FAM151B: variants seen among roughly 807,000 people sequenced by gnomAD.
The protein encoded by FAM151B is protein FAM151B.
FAM151B carries 24 observed loss-of-function variants against 31.2 expected under a neutral mutation model. The observed-to-expected ratio is 0.77, with a 90% CI of 0.56 to 1.08. FAM151B has a LOEUF of 1.08. Among genes scored for constraint, FAM151B ranks in the 50% least tolerant of loss-of-function variants. The pLI is 0.00. For missense variants in FAM151B, 293 were observed against 328.6 expected, an observed-to-expected ratio of 0.89 and a Z score of 0.84; for synonymous variants, 105 against 111.4, an observed-to-expected ratio of 0.94 and a Z score of 0.36.
At chr5:80,504,186 CACCACA>C (rs939964536) in intron 2 of FAM151B, among the ~76,000 whole-genome samples, 4 of 152,316 alleles carry the variant, frequency 2.6e-5, no homozygotes, top group African/African-American at 9.6e-5. Flanking sequence ...CAGGAAATGG[CACCACA>C]ATCTACTTAG....
intron 1 of FAM151B, among the ~76,000 whole-genome samples, chr5:80,496,799 ATTTTTTTTTTTTTTT>A (rs367658683): frequency 3.5e-5 from 2 of 57,738 alleles, no homozygotes; most frequent in South Asian, 8.4e-4. Context: ...TTTTTGCTTA[ATTTTTTTTTTTTTTT>A]TTTTTTTTTT....
chr5:80,529,258 A>G (rs1287238735), intron 5 of FAM151B, among the ~76,000 whole-genome samples: 2 of 152,236 alleles, frequency 1.3e-5, no homozygotes. Flanking sequence ...GGAAATTTAT[A>G]GCACTAAATG....
In FAM151B at chr5:80,541,654, C is replaced by A. The variant is rs757200992; in HGVS notation, c.672-19C>A. 3 of 1,610,072 alleles carry A rather than the reference C, an allele frequency of 1.9e-6. No homozygotes were observed. On this transcript the variant is annotated intron_variant, in intron 5 of 5. Transcript: ENST00000282226. ...TTCTTCCACTTTTAACTGTATAATT[C>A]TGTTTTATTTCAATGCAGGTACAGC...
chr5:80,516,079 C>A (rs890324492), intron 3 of FAM151B, among the ~76,000 whole-genome samples: 18 of 152,206 alleles, frequency 1.2e-4, no homozygotes, highest in Admixed American at 5.9e-4. Flanking sequence ...AATCCCAGCA[C>A]TTTGGTAGGC....
In FAM151B at chr5:80,538,520, C is replaced by T. The variant is rs1298378144; in HGVS notation, c.672-3153C>T. Among the ~76,000 whole-genome samples, 16 of 57,684 alleles carry T rather than the reference C, an allele frequency of 2.8e-4. 1 individual carries two copies. The highest frequency in any genetic ancestry group is 2.0e-3 in the African/African-American group (13 of 6,654). 37.8% of individuals were successfully genotyped at this position (57,684 alleles called of 152,430 possible). A position where few individuals can be genotyped will look rare whatever the true frequency, so the allele number is the denominator to read the frequency against. On this transcript the variant is annotated intron_variant, in intron 5 of 5. Transcript: ENST00000282226. ...CTTCCTTTCTTTTCTTTCTTTCCTT[C>T]CTTCCTTCCTTCCTTCCTTCCTTCC...
intron 2 of FAM151B, among the ~76,000 whole-genome samples, chr5:80,509,682 G>A (rs1193131651): frequency 6.6e-6 from 1 of 152,184 alleles, no homozygotes; most frequent in Non-Finnish European, 1.5e-5. Context: ...AGAAAGTCCT[G>A]ATTTGGAAAT....
At chr5:80,495,894 T>G (rs1056410710) in intron 1 of FAM151B, among the ~76,000 whole-genome samples, 1 of 149,436 alleles carries the variant, frequency 6.7e-6, no homozygotes, top group African/African-American at 2.5e-5. Flanking sequence ...GAATGGAGCC[T>G]GAAGATGTGA....
At chr5:80,525,270 G>A (rs953356641) in intron 5 of FAM151B, among the ~76,000 whole-genome samples, 1 of 152,118 alleles carries the variant, frequency 6.6e-6, no homozygotes, top group African/African-American at 2.4e-5. Flanking sequence ...TCAAGCAATT[G>A]TGCATGAATG....
chr5:80,495,830 CAAAAAAAAAAAAAAAAA>C (rs3072031), intron 1 of FAM151B, among the ~76,000 whole-genome samples: 2 of 88,104 alleles, frequency 2.3e-5, no homozygotes, highest in Non-Finnish European at 4.0e-5. Context: ...GACTCCGTCT[CAAAAAAAAAAAAAAAAA>C]AAAAAAAAAA....
Position 80,538,645 on chromosome 5 carries a change from G to C in FAM151B, c.672-3028G>C, listed in dbSNP as rs1745716075. ...GGAGTCTTGCTCTGTTGCCCAGACTGGAGTGCAGTGGCAGGATCTTGGCTC... is the reference window on the plus strand; with the variant it reads ...GGAGTCTTGCTCTGTTGCCCAGACTCGAGTGCAGTGGCAGGATCTTGGCTC... On this transcript the variant is annotated intron_variant, in intron 5 of 5. Coordinates refer to ENST00000282226, the MANE Select transcript of FAM151B (RefSeq NM_205548.3). Among the ~76,000 whole-genome samples the C allele has an allele frequency of 4.7e-5, 7 of 148,746 alleles. No homozygotes were observed. In the South Asian group the frequency reaches 1.5e-3, roughly 32 times the overall value.
chr5:80,503,021 G>T (rs1743807616), intron 2 of FAM151B, among the ~76,000 whole-genome samples: 1 of 152,098 alleles, frequency 6.6e-6, no homozygotes, highest in East Asian at 1.9e-4. Flanking sequence ...TTTTTTGGAT[G>T]ATGAAATTTT....
chr5:80,492,640 C>T (rs1409910042), intron 1 of FAM151B, among the ~76,000 whole-genome samples: 1 of 152,146 alleles, frequency 6.6e-6, no homozygotes, highest in Non-Finnish European at 1.5e-5. Context: ...GGAAGAGTCA[C>T]CTGTTTCTCA....
intron 5 of FAM151B, among the ~76,000 whole-genome samples, chr5:80,523,259 A>G (rs1309868063): frequency 1.3e-5 from 2 of 152,214 alleles, no homozygotes; most frequent in Non-Finnish European, 2.9e-5. Context: ...CAACTAGTAA[A>G]AAGACCCCCA....
intron 1 of FAM151B, among the ~76,000 whole-genome samples, chr5:80,489,721 A>G (rs180772762): frequency 6.6e-6 from 1 of 152,250 alleles, no homozygotes; most frequent in Admixed American, 6.5e-5. Context: ...TCAGGAGATC[A>G]AGACCATCCT....
intron 2 of FAM151B, among the ~76,000 whole-genome samples, chr5:80,511,496 T>C (rs948465166): frequency 1.3e-5 from 2 of 151,344 alleles, no homozygotes; most frequent in African/African-American, 4.9e-5. Flanking sequence ...GCAGTGCAGG[T>C]TGGCCACCTC....
chr5:80,527,711 G>C (rs561542651), intron 5 of FAM151B, among the ~76,000 whole-genome samples: 1 of 152,208 alleles, frequency 6.6e-6, no homozygotes, highest in Non-Finnish European at 1.5e-5. Context: ...ACCATTTCCG[G>C]AGCTTGCAGG....
intron 1 of FAM151B, among the ~76,000 whole-genome samples, chr5:80,499,446 T>C (rs1449420462): frequency 1.3e-5 from 2 of 152,016 alleles, no homozygotes; most frequent in African/African-American, 4.8e-5. Flanking sequence ...TGAAGGTAGA[T>C]ATGCAGTAAG....
chr5:80,504,489 G>T (rs1160734850), intron 2 of FAM151B, among the ~76,000 whole-genome samples: 1 of 143,608 alleles, frequency 7.0e-6, no homozygotes, highest in Non-Finnish European at 1.5e-5. Context: ...GGAAATAATG[G>T]AATTAGCAGA....
At chr5:80,503,432 G>T (rs1323643560) in intron 2 of FAM151B, among the ~76,000 whole-genome samples, 1 of 152,050 alleles carries the variant, frequency 6.6e-6, no homozygotes, top group African/African-American at 2.4e-5. Context: ...AGCCGGGCAT[G>T]GTGGCATGTA....
Sources: allele counts gnomAD v4.1 joint callset (sites outside exome capture counted in the v4.1 genomes callset), GRCh38; gene constraint gnomAD v4.1.1; transcripts MANE v1.5; gene names NCBI Gene and HGNC (gene_info 2026-07-23, HGNC 2026-07-21).